The following USP32 variants were observed in gnomAD, a reference collection of about 807,000 sequenced individuals.
The protein encoded by USP32 is ubiquitin carboxyl-terminal hydrolase 32.
A neutral mutation model predicts 204.8 loss-of-function variants in USP32; 59 were observed. The observed-to-expected ratio is 0.29, with a 90% CI of 0.23 to 0.36. USP32 has a LOEUF of 0.36. USP32 is among the 10% of genes least tolerant of loss of function. The pLI is 1.00. For missense variants in USP32, 1,160 were observed against 1,946.4 expected (o/e 0.60, Z 7.60); for synonymous variants, 517 against 678.4 (o/e 0.76, Z 3.70).
chr17:60,417,118 G>A (rs1334466390), intron 1 of USP32, among the ~76,000 whole-genome samples: 4 of 151,830 alleles, frequency 2.6e-5, no homozygotes, highest in African/African-American at 7.3e-5. Context: ...GGTTTTAACC[G>A]TGTTGGCCAG....
Position 60,198,353 on chromosome 17 carries a change from C to T in USP32, c.3341G>A (p.Arg1114Gln), listed in dbSNP as rs143848756. The change falls in exon 27 of 34, where the codon CGG becomes CAG. Residue 1114 changes from arginine (R) to glutamine (Q), a missense_variant. Coordinates refer to ENST00000300896, the MANE Select transcript of USP32 (RefSeq NM_032582.4). ...AACCGCATCATATAGGTCTTTCTTC[C>T]GGGTATGCACAGTACATGGAACAAT... ...PLIVPCTVHT[R>Q]KKDLYDAVWI... 3.9e-5 allele frequency: 63 copies of T among 1,614,110 alleles called. No homozygotes were observed. In the Admixed American group the frequency reaches 4.0e-4, roughly 10 times the overall value.
At chr17:60,355,625 T>C (rs1598280284) in intron 1 of USP32, among the ~76,000 whole-genome samples, 1 of 152,072 alleles carries the variant, frequency 6.6e-6, no homozygotes, top group South Asian at 2.1e-4. Context: ...AGCAGATGAA[T>C]TGTTTGAGCC....
At chr17:60,193,271 C>A (rs2084431549) in intron 27 of USP32, among the ~76,000 whole-genome samples, 1 of 152,200 alleles carries the variant, frequency 6.6e-6, no homozygotes, top group South Asian at 2.1e-4. Flanking sequence ...GGATTTAATT[C>A]ACATTAAACT....
chr17:60,366,772 C>T (rs2089323543), intron 1 of USP32, among the ~76,000 whole-genome samples: 1 of 150,762 alleles, frequency 6.6e-6, no homozygotes, highest in Admixed American at 6.6e-5. Context: ...TGCTGCTTTT[C>T]TTGAAGAAAC....
At chr17:60,230,481 C>T (rs774439302) in intron 12 of USP32, among the ~76,000 whole-genome samples, 1 of 152,188 alleles carries the variant, frequency 6.6e-6, no homozygotes, top group South Asian at 2.1e-4. Flanking sequence ...AATAACTTCT[C>T]AGAGATTGCA....
intron 1 of USP32, among the ~76,000 whole-genome samples, chr17:60,406,311 T>C (rs1274620604): frequency 1.3e-5 from 2 of 152,048 alleles, no homozygotes; most frequent in Non-Finnish European, 2.9e-5. Flanking sequence ...CCCAAATAGC[T>C]GGGACTACAG....
At chr17:60,183,127 T>C in intron 31 of USP32, 38 bp downstream of exon 31, 1 of 1,552,434 alleles carries the variant, frequency 6.4e-7, no homozygotes, top group South Asian at 1.2e-5. Context: ...CCTACAGGAG[T>C]CCCAAGAAAG....
chr17:60,344,320 G>A (rs1327103476), intron 2 of USP32, among the ~76,000 whole-genome samples: 2 of 151,866 alleles, frequency 1.3e-5, no homozygotes, highest in Non-Finnish European at 2.9e-5. Flanking sequence ...AGTAGAAATG[G>A]TGTTTTACCA....
rs1257907003 is a variant in USP32, at chr17:60,181,402, G to T, written c.4470C>A (p.Asn1490Lys). Residue 1490 changes from asparagine to lysine, a missense_variant, in exon 32 of 34, where the codon AAC becomes AAA. Physicochemically the swap from Asn to Lys is moderately conservative, Grantham distance 94 (BLOSUM62 0). Coordinates refer to ENST00000300896, the MANE Select transcript of USP32 (RefSeq NM_032582.4). ...CATCAGTGCTGTCTTCTTCACTGTG[G>T]TTTCCAAGCTGACCATTGCTGTAGC... is the stretch of plus-strand genomic sequence containing the variant. ...GNGYSNGQLG[N>K]HSEEDSTDDQ... is the part of the protein sequence containing the mutation. 6.2e-7 allele frequency: 1 copy of T among 1,613,950 alleles called. No individual in the cohort carries two copies. Among genetic ancestry groups the T allele is most frequent in the African/African-American group, 1.3e-5 (1 of 75,018 alleles).
chr17:60,183,499 G>T (rs754480396), intron 30 of USP32, 46 bp from the exon 31 acceptor site: 3 of 1,520,990 alleles, frequency 2.0e-6, no homozygotes, highest in Admixed American at 4.5e-5. Flanking sequence ...GGGTTCTGAA[G>T]ATACAAAATT....
intron 1 of USP32, chr17:60,421,518 G>C: frequency 1.0e-6 from 1 of 985,500 alleles, no homozygotes; most frequent in South Asian, 4.7e-5. Flanking sequence ...CCCGGGCCCA[G>C]AGGACACGAA....
chr17:60,398,172 T>A (rs1054813836), intron 1 of USP32, among the ~76,000 whole-genome samples: 1 of 152,082 alleles, frequency 6.6e-6, no homozygotes, highest in Non-Finnish European at 1.5e-5. Context: ...TGAGACCAGC[T>A]TGGGCAACAT....
At chr17:60,338,050 G>A (rs929777818) in intron 2 of USP32, among the ~76,000 whole-genome samples, 3 of 152,160 alleles carry the variant, frequency 2.0e-5, no homozygotes, top group African/African-American at 7.2e-5. Context: ...CAGGCAAGGC[G>A]TGGTGGCTCA....
intron 9 of USP32, chr17:60,258,529 CAA>C (rs2086373408): frequency 6.5e-6 from 1 of 154,176 alleles, no homozygotes; most frequent in Admixed American, 6.5e-5. Context: ...AACAGCGTGA[CAA>C]AAGTGACTTT....
intron 5 of USP32, among the ~76,000 whole-genome samples, chr17:60,272,552 G>C (rs1403797319): frequency 2.0e-5 from 3 of 152,166 alleles, no homozygotes; most frequent in African/African-American, 7.2e-5. Flanking sequence ...GTCTATAATG[G>C]AGTAACTAGC....
At chr17:60,358,191 T>C (rs1021179088) in intron 1 of USP32, among the ~76,000 whole-genome samples, 2 of 152,206 alleles carry the variant, frequency 1.3e-5, no homozygotes, top group Admixed American at 1.3e-4. Flanking sequence ...TATGACTTAA[T>C]TTTCTGTAAG....
intron 12 of USP32, among the ~76,000 whole-genome samples, chr17:60,232,168 CT>C (rs58707657): frequency 4.5e-3 from 498 of 109,462 alleles, no homozygotes; most frequent in African/African-American, 0.013. Flanking sequence ...TTTTCTTTTT[CT>C]TTTTTTTTTT....
At chr17:60,348,115 C>G (rs1404833769) in intron 1 of USP32, among the ~76,000 whole-genome samples, 1 of 150,294 alleles carries the variant, frequency 6.7e-6, no homozygotes, top group Non-Finnish European at 1.5e-5. Context: ...GAGCGAGACC[C>G]CGTCTCAAAA....
At position 60,283,045 on chromosome 17, in the gene USP32, A is replaced by C. The variant is rs140773193; in HGVS notation, c.571+5478T>G. 1.4e-4 allele frequency among the ~76,000 whole-genome samples: 22 copies of C among 152,368 alleles called. No individual in the cohort carries two copies. The South Asian group carries it at 3.3e-3, about 23-fold the overall frequency. ...TCAATTGAAATATAAAGTGTTGCAG[A>C]AATGCAAATAGTAAAATAAATTAAC... On this transcript the variant is annotated intron_variant, in intron 5 of 33. Transcript: ENST00000300896.
Sources: gnomAD v4.1 joint callset for allele counts (sites outside exome capture counted in the v4.1 genomes callset) on GRCh38, gnomAD v4.1.1 for gene constraint, MANE v1.5 for transcripts, NCBI Gene and HGNC (gene_info 2026-07-23, HGNC 2026-07-21) for gene names.